Variants in LARGE1 observed in about 807,000 individuals in gnomAD.
LARGE1 encodes LARGE xylosyl- and glucuronyltransferase 1.
In LARGE1, 43 loss-of-function variants were observed where a neutral mutation model predicts 87.6. That is an observed-to-expected ratio of 0.49 (90% CI 0.38 to 0.63). The LOEUF (loss-of-function observed/expected upper bound fraction) is 0.63. Among genes scored for constraint, LARGE1 ranks in the 30% least tolerant of loss-of-function variants. The pLI is 0.00. For synonymous variants in LARGE1, 434 were observed against 394.6 expected (o/e 1.10, Z -1.18); for missense variants, 802 against 1,000.2 (o/e 0.80, Z 2.67).
rs1256959705 is a variant in LARGE1, at chr22:33,894,472, T to G, written c.-83+25523A>C. 2.0e-5 allele frequency among the ~76,000 whole-genome samples: 3 copies of G among 152,058 alleles called. No individual in the cohort carries two copies. In the East Asian group the frequency reaches 5.8e-4, roughly 29 times the overall value. ...CCCTTGTCTCCTCTTCTTATTTCAA[T>G]TTGAGGCTTTAGCTGTGTCCCCTAC... On this transcript the variant is annotated intron_variant, in intron 1 of 14. Transcript: ENST00000397394.
At chr22:33,352,592 T>C (rs1175053705) in intron 9 of LARGE1, among the ~76,000 whole-genome samples, 3 of 150,438 alleles carry the variant, frequency 2.0e-5, no homozygotes, top group Non-Finnish European at 3.0e-5. Flanking sequence ...CATCTCTACT[T>C]AAAAAAAAAT....
intron 5 of LARGE1, among the ~76,000 whole-genome samples, chr22:33,595,851 G>T (rs1322808444): frequency 2.0e-5 from 3 of 152,190 alleles, no homozygotes; most frequent in Non-Finnish European, 4.4e-5. Context: ...GCAGATGAGG[G>T]AACAGACAAA....
At position 33,680,864 on chromosome 22, in the gene LARGE1, C is replaced by T. The variant is rs544969525; in HGVS notation, c.107-30196G>A. 2.1e-4 allele frequency among the ~76,000 whole-genome samples: 32 copies of T among 151,936 alleles called. No homozygotes were observed. The South Asian group carries it at 3.7e-3, about 18-fold the overall frequency. On this transcript the variant is annotated intron_variant, in intron 2 of 14. Coordinates refer to ENST00000397394, the MANE Select transcript of LARGE1 (RefSeq NM_133642.5). Reference sequence around the variant, plus strand: ...TGGGAAATGTCATCTGCCTGTTATGCAGAAGTGAAATTGAAGTGCTCTTTG... The same window carrying T: ...TGGGAAATGTCATCTGCCTGTTATGTAGAAGTGAAATTGAAGTGCTCTTTG...
intron 9 of LARGE1, among the ~76,000 whole-genome samples, chr22:33,357,836 T>C (rs985740500): frequency 6.6e-6 from 1 of 152,240 alleles, no homozygotes; most frequent in Non-Finnish European, 1.5e-5. Context: ...ATAGGTTTAC[T>C]ACAATGTCTC....
intron 8 of LARGE1, among the ~76,000 whole-genome samples, chr22:33,383,711 A>G (rs997384149): frequency 6.6e-6 from 1 of 152,228 alleles, no homozygotes; most frequent in African/African-American, 2.4e-5. Flanking sequence ...ACACTAGGAC[A>G]GCATCTAAGC....
At chr22:33,783,843 C>A (rs979254883) in intron 1 of LARGE1, among the ~76,000 whole-genome samples, 27 of 152,162 alleles carry the variant, frequency 1.8e-4, no homozygotes, top group African/African-American at 6.5e-4. Context: ...TTATTGACCA[C>A]CAGGCTCTAC....
At chr22:33,587,139 A>G (rs2078701045) in intron 5 of LARGE1, among the ~76,000 whole-genome samples, 1 of 152,236 alleles carries the variant, frequency 6.6e-6, no homozygotes, top group Non-Finnish European at 1.5e-5. Flanking sequence ...TGATTTGGAA[A>G]AGCTTCAACT....
At chr22:33,900,312 CG>C (rs2065250146) in intron 1 of LARGE1, among the ~76,000 whole-genome samples, 2 of 152,310 alleles carry the variant, frequency 1.3e-5, no homozygotes, top group Admixed American at 1.3e-4. Context: ...GCTCACTCTA[CG>C]TTTCCACCAA....
rs1034344185 is a variant in LARGE1, at chr22:33,761,535, C to T, written c.-59G>A. ...CGTTTCTCTGTCCGGAGCATGAAGT[C>T]CTCGGCCTCCCTCATAATACTCTCT... is the stretch of plus-strand genomic sequence containing the variant. On this transcript the variant is annotated 5_prime_UTR_variant, in exon 2 of 15. Coordinates refer to ENST00000397394, the MANE Select transcript of LARGE1 (RefSeq NM_133642.5). The T allele has an allele frequency of 1.5e-6, 2 of 1,307,316 alleles. No individual in the cohort carries two copies. The highest frequency in any genetic ancestry group is 2.2e-6 in the Non-Finnish European group (2 of 902,890). 81.0% of individuals were successfully genotyped at this position (1,307,316 alleles called of 1,614,324 possible).
At chr22:33,226,969 C>A (rs549638615) in intron 11 of LARGE1, among the ~76,000 whole-genome samples, 224 of 152,160 alleles carry the variant, frequency 1.5e-3, no homozygotes, top group Middle Eastern at 6.8e-3. Context: ...GACCTTGTAA[C>A]CTTTAAATTA....
At chr22:33,533,072 G>C (rs528335362) in intron 6 of LARGE1, among the ~76,000 whole-genome samples, 1 of 152,156 alleles carries the variant, frequency 6.6e-6, no homozygotes, top group Admixed American at 6.5e-5. Flanking sequence ...GTCTACTGCA[G>C]GGCCCATGTT....
intron 2 of LARGE1, among the ~76,000 whole-genome samples, chr22:33,705,285 CCCTT>C (rs935171650): frequency 6.6e-6 from 1 of 152,176 alleles, no homozygotes; most frequent in African/African-American, 2.4e-5. Flanking sequence ...CTGTTCCACC[CCCTT>C]CCATCTTTTC....
At chr22:33,180,689 G>A (rs1923114397) in intron 11 of LARGE1, among the ~76,000 whole-genome samples, 1 of 152,204 alleles carries the variant, frequency 6.6e-6, no homozygotes, top group South Asian at 2.1e-4. Context: ...GTTAACTGAT[G>A]AGTGAATAAA....
intron 11 of LARGE1, among the ~76,000 whole-genome samples, chr22:33,219,126 T>C (rs893712723): frequency 2.0e-4 from 30 of 152,242 alleles, no homozygotes; most frequent in African/African-American, 7.2e-4. Context: ...ACAAATGTAT[T>C]GAGGCACTGA....
At chr22:33,118,917 G>C in the LARGE1 span, among the ~76,000 whole-genome samples, 1 of 152,212 alleles carries the variant, frequency 6.6e-6, no homozygotes, top group African/African-American at 2.4e-5. Flanking sequence ...TATTCTTGAA[G>C]GGCCTTTTGA....
intron 1 of LARGE1, among the ~76,000 whole-genome samples, chr22:33,813,254 GAAAAAAAA>G (rs5845112): frequency 8.7e-6 from 1 of 114,498 alleles, no homozygotes; most frequent in African/African-American, 3.8e-5. Context: ...TCCGTCTCAA[GAAAAAAAA>G]AAAAAAAAAT....
At chr22:33,155,177 G>T in the LARGE1 span, among the ~76,000 whole-genome samples, 3 of 152,302 alleles carry the variant, frequency 2.0e-5, no homozygotes, top group South Asian at 4.1e-4. Context: ...CAAGAGTGGG[G>T]TGCTGCTGAA....
At chr22:33,153,192 G>A in the LARGE1 span, among the ~76,000 whole-genome samples, 1 of 151,854 alleles carries the variant, frequency 6.6e-6, no homozygotes, top group Non-Finnish European at 1.5e-5. Context: ...TTTATTTTAT[G>A]TTTTATTTAA....
At chr22:33,665,431 G>A (rs1011667753) in intron 2 of LARGE1, among the ~76,000 whole-genome samples, 2 of 152,152 alleles carry the variant, frequency 1.3e-5, no homozygotes, top group Admixed American at 6.5e-5. Context: ...GAACGCAGGT[G>A]AATACAAGCA....
Sources: allele counts gnomAD v4.1 joint callset (sites outside exome capture counted in the v4.1 genomes callset), GRCh38; gene constraint gnomAD v4.1.1; transcripts MANE v1.5; gene names NCBI Gene and HGNC (gene_info 2026-07-23, HGNC 2026-07-21).